Variants in SMOC1 observed in about 807,000 individuals in gnomAD.
The protein encoded by SMOC1 is SPARC related modular calcium binding 1.
A neutral mutation model predicts 56.3 loss-of-function variants in SMOC1; 22 were observed. That is an observed-to-expected ratio of 0.39 (90% confidence interval 0.28 to 0.56). The LOEUF (loss-of-function observed/expected upper bound fraction) is 0.56. SMOC1 is among the 20% of genes least tolerant of loss of function. The probability of loss-of-function intolerance (pLI) is 0.61; values close to 1 mark genes in which losing one functional copy is unlikely to be tolerated. For missense variants in SMOC1, 509 were observed against 565.4 expected (o/e 0.90, Z 1.01); for synonymous variants, 193 against 215.0 (o/e 0.90, Z 0.89).
chr14:69,917,214 T>G (rs1884709193), intron 1 of SMOC1, among the ~76,000 whole-genome samples: 1 of 152,244 alleles, frequency 6.6e-6, no homozygotes, highest in Non-Finnish European at 1.5e-5. Flanking sequence ...CAGAATGTTC[T>G]TCAGTTAAAC....
At chr14:69,895,586 C>G (rs2139313001) in intron 1 of SMOC1, among the ~76,000 whole-genome samples, 1 of 152,280 alleles carries the variant, frequency 6.6e-6, no homozygotes, top group Middle Eastern at 3.4e-3. Context: ...GACCAGGGTC[C>G]TCCTTCTTTG....
intron 5 of SMOC1, 28 bp downstream of exon 5, chr14:69,977,993 A>G (rs1422677663): frequency 6.2e-7 from 1 of 1,601,958 alleles, no homozygotes; most frequent in Non-Finnish European, 8.6e-7. Context: ...CTTTATCTAA[A>G]TGTTTGCTTC....
intron 7 of SMOC1, among the ~76,000 whole-genome samples, chr14:70,002,490 C>G (rs567227690): frequency 5.9e-5 from 9 of 152,316 alleles, no homozygotes; most frequent in African/African-American, 2.2e-4. Context: ...TGTCTACCCT[C>G]TATTTGGAAA....
intron 1 of SMOC1, among the ~76,000 whole-genome samples, chr14:69,930,224 C>T (rs570957042): frequency 3.0e-4 from 46 of 152,194 alleles, no homozygotes; most frequent in Admixed American, 1.5e-3. Context: ...CCCCTGACAG[C>T]ACCCTTCCCA....
intron 5 of SMOC1, among the ~76,000 whole-genome samples, chr14:69,988,872 G>C (rs1356789471): frequency 6.6e-6 from 1 of 152,190 alleles, no homozygotes; most frequent in Non-Finnish European, 1.5e-5. Context: ...ATTGTCACAT[G>C]TATTAGTAAT....
In SMOC1 at chr14:70,030,482, CTT is replaced by C; in HGVS notation, c.*226_*227del. On this transcript the variant is annotated 3_prime_UTR_variant, in exon 12 of 12. Transcript: ENST00000361956. Reference sequence around the variant, plus strand: ...GTGGGAAAAGGAAAGGGAAGAAAGACTTTATTCTCTCTCTTATTGTAAGTTTT... The same window carrying C: ...GTGGGAAAAGGAAAGGGAAGAAAGACTATTCTCTCTCTTATTGTAAGTTTT... 1 of 245,014 alleles carries C rather than the reference CTT, an allele frequency of 4.1e-6. No homozygotes were observed. Among genetic ancestry groups the C allele is most frequent in the Non-Finnish European group, 7.3e-6 (1 of 137,322 alleles). The allele number at this position is 245,014 out of a possible 1,614,324, so 15.2% of individuals were successfully genotyped here. A position where few individuals can be genotyped will look rare whatever the true frequency, so the allele number is the denominator to read the frequency against.
intron 7 of SMOC1, among the ~76,000 whole-genome samples, chr14:70,000,961 T>A (rs902398269): frequency 3.3e-5 from 5 of 152,014 alleles, no homozygotes; most frequent in African/African-American, 9.7e-5. Flanking sequence ...GAAGATGGGA[T>A]CTCCGAGACA....
rs555122458 is a variant in SMOC1 at position 69,965,149 on chromosome 14, G to C, written c.379-10566G>C. Among the ~76,000 whole-genome samples, 11 of 152,210 alleles carry C rather than the reference G, an allele frequency of 7.2e-5. 1 individual carries two copies. The South Asian group carries it at 2.3e-3, about 32-fold the overall frequency. ...TCCCAGCACTTTGGGAGGCCGAGGTGGGTGAATCACCTGAGGTCAGGAGAT... is the reference window on the plus strand; with the variant it reads ...TCCCAGCACTTTGGGAGGCCGAGGTCGGTGAATCACCTGAGGTCAGGAGAT... On this transcript the variant is annotated intron_variant, in intron 3 of 11. Coordinates refer to ENST00000361956, the MANE Select transcript of SMOC1 (RefSeq NM_001034852.3).
At chr14:69,900,793 T>C (rs1010222137) in intron 1 of SMOC1, among the ~76,000 whole-genome samples, 2 of 152,242 alleles carry the variant, frequency 1.3e-5, no homozygotes, top group African/African-American at 4.8e-5. Context: ...TAAAACAAGG[T>C]GAATTGCACT....
chr14:69,996,826 T>C (rs1475534186), intron 7 of SMOC1, among the ~76,000 whole-genome samples: 2 of 152,224 alleles, frequency 1.3e-5, no homozygotes, highest in African/African-American at 4.8e-5. Flanking sequence ...CTGGTAATAT[T>C]GACTGAATGC....
In SMOC1 at chr14:69,956,448, C is replaced by CTTT. The variant is rs3052655; in HGVS notation, c.378+2932_378+2934dup. Among the ~76,000 whole-genome samples, 1,031 of 130,766 alleles carry CTTT rather than the reference C, an allele frequency of 7.9e-3. 20 individuals carry two copies. Among genetic ancestry groups the CTTT allele is most frequent in the Middle Eastern group, 0.051 (13 of 254 alleles). 85.8% of individuals were successfully genotyped at this position (130,766 alleles called of 152,430 possible). On this transcript the variant is annotated intron_variant, in intron 3 of 11. Transcript: ENST00000361956. ...CTCCAACCTCCATCACTTAGCTGGG[C>CTTT]TTTTTTTTTTTTTTTTTTCTCCTAA...
At chr14:69,981,600 A>G (rs975226152) in intron 5 of SMOC1, among the ~76,000 whole-genome samples, 3 of 152,126 alleles carry the variant, frequency 2.0e-5, no homozygotes, top group Non-Finnish European at 4.4e-5. Context: ...GAGGAATATC[A>G]GAAGAGAGGA....
intron 3 of SMOC1, among the ~76,000 whole-genome samples, chr14:69,970,883 A>T (rs12184944): frequency 0.033 from 5,040 of 152,256 alleles, 122 homozygotes; most frequent in Non-Finnish European, 0.05. Flanking sequence ...CTTTATCTGG[A>T]TGGGGGTTGG....
intron 1 of SMOC1, among the ~76,000 whole-genome samples, chr14:69,943,805 TG>T (rs1396675177): frequency 1.3e-5 from 2 of 152,248 alleles, no homozygotes; most frequent in Non-Finnish European, 2.9e-5. Flanking sequence ...GAGCTCTTTT[TG>T]CTTCTGGTGC....
intron 7 of SMOC1, among the ~76,000 whole-genome samples, chr14:69,996,528 C>T (rs577539434): frequency 3.9e-5 from 6 of 152,332 alleles, no homozygotes; most frequent in East Asian, 1.9e-4. Flanking sequence ...TCTTTGCTTC[C>T]GCTGAAGTTC....
chr14:69,885,814 C>T, intron 1 of SMOC1: 1 of 1,599,478 alleles, frequency 6.3e-7, no homozygotes, highest in Non-Finnish European at 8.6e-7. Context: ...TCTGCTTCTT[C>T]TCTTGCTTTG....
chr14:69,970,510 C>A (rs996959980), intron 3 of SMOC1, among the ~76,000 whole-genome samples: 1 of 152,222 alleles, frequency 6.6e-6, no homozygotes, highest in Non-Finnish European at 1.5e-5. Context: ...AACTTCTGCT[C>A]TCTGTACCTC....
chr14:69,922,115 G>A (rs1239317270), intron 1 of SMOC1, among the ~76,000 whole-genome samples: 3 of 152,218 alleles, frequency 2.0e-5, no homozygotes, highest in Admixed American at 6.5e-5. Context: ...TACAGAGCTC[G>A]GGCTTCAAAG....
At chr14:69,922,393 G>C (rs7159801) in intron 1 of SMOC1, among the ~76,000 whole-genome samples, 41,008 of 152,086 alleles carry the variant, frequency 0.27, 5,815 homozygotes, top group Admixed American at 0.34. Flanking sequence ...AGTACGTGCT[G>C]CTGCTTGAAG....
Sources: allele counts gnomAD v4.1 joint callset (sites outside exome capture counted in the v4.1 genomes callset), GRCh38; gene constraint gnomAD v4.1.1; transcripts MANE v1.5; gene names NCBI Gene and HGNC (gene_info 2026-07-23, HGNC 2026-07-21).